FHIT: variants seen among roughly 807,000 people sequenced by gnomAD.
FHIT encodes fragile histidine triad diadenosine triphosphatase.
FHIT carries 19 observed loss-of-function variants against 17.9 expected under a neutral mutation model. The observed-to-expected ratio is 1.06, with a 90% CI of 0.74 to 1.56. The LOEUF is 1.56. Ranked by LOEUF, FHIT falls within the 40% of genes most tolerant of loss-of-function variation. FHIT has a pLI of 0.00. For missense variants in FHIT, 248 were observed against 189.2 expected (o/e 1.31, Z -1.82); for synonymous variants, 81 against 69.7 (o/e 1.16, Z -0.81).
chr3:60,114,488 C>CTTTTTTTTTTTTTTTTTT lies in FHIT; in HGVS notation c.104-100337_104-100336insAAAAAAAAAAAAAAAAAA, dbSNP rs145618938. Among the ~76,000 whole-genome samples, 30 of 59,484 alleles carry CTTTTTTTTTTTTTTTTTT rather than the reference C, an allele frequency of 5.0e-4. 3 individuals carry two copies. The highest frequency in any genetic ancestry group is 1.6e-3 in the African/African-American group (21 of 13,368). 39.0% of individuals were successfully genotyped at this position (59,484 alleles called of 152,430 possible). A position where few individuals can be genotyped will look rare whatever the true frequency, so the allele number is the denominator to read the frequency against. On this transcript the variant is annotated intron_variant, in intron 5 of 9. Coordinates refer to ENST00000492590, the MANE Select transcript of FHIT (RefSeq NM_002012.4). ...TAAAATAAGGAAGAACAAGAGAAAT[C>CTTTTTTTTTTTTTTTTTT]CTTTTTTTTTTTTTTTTTTTTTTTT...
chr3:60,574,635 C>T (rs1278194747), intron 4 of FHIT, among the ~76,000 whole-genome samples: 1 of 152,098 alleles, frequency 6.6e-6, no homozygotes, highest in Non-Finnish European at 1.5e-5. Context: ...GTAAACACAT[C>T]TTTACATTGA....
intron 8 of FHIT, among the ~76,000 whole-genome samples, chr3:59,783,728 C>T (rs1702709185): frequency 6.6e-6 from 1 of 152,152 alleles, no homozygotes; most frequent in Admixed American, 6.5e-5. Context: ...ACCTCCCCAT[C>T]CACAAACATC....
intron 5 of FHIT, among the ~76,000 whole-genome samples, chr3:60,071,517 A>G (rs1219512866): frequency 6.6e-6 from 1 of 152,086 alleles, no homozygotes; most frequent in African/African-American, 2.4e-5. Context: ...CTTCACATGA[A>G]TGACTCTCTT....
intron 7 of FHIT, among the ~76,000 whole-genome samples, chr3:59,974,811 T>C (rs772581004): frequency 2.6e-5 from 4 of 152,086 alleles, no homozygotes; most frequent in Non-Finnish European, 4.4e-5. Flanking sequence ...TCGGGGGAGA[T>C]ATGGAAATTG....
chr3:60,249,508 G>A (rs1221192379), intron 5 of FHIT, among the ~76,000 whole-genome samples: 1 of 151,136 alleles, frequency 6.6e-6, no homozygotes, highest in Non-Finnish European at 1.5e-5. Context: ...ATGAGTGAGA[G>A]ATGAAAGTTG....
intron 5 of FHIT, among the ~76,000 whole-genome samples, chr3:60,466,334 G>C (rs987548882): frequency 1.3e-5 from 2 of 152,086 alleles, no homozygotes; most frequent in East Asian, 3.9e-4. Context: ...TGCAAACAAG[G>C]ATAATTTGAC....
intron 8 of FHIT, among the ~76,000 whole-genome samples, chr3:59,828,127 T>A (rs1407499379): frequency 6.6e-6 from 1 of 152,246 alleles, no homozygotes; most frequent in East Asian, 1.9e-4. Context: ...GGTAGAGACA[T>A]GACTGATCAT....
intron 5 of FHIT, among the ~76,000 whole-genome samples, chr3:60,294,936 C>T (rs1346667519): frequency 6.6e-6 from 1 of 152,156 alleles, no homozygotes. Flanking sequence ...TGCAGAAGGA[C>T]ATCTGGATTG....
intron 2 of FHIT, among the ~76,000 whole-genome samples, chr3:61,138,751 G>T: frequency 6.6e-6 from 1 of 152,180 alleles, no homozygotes; most frequent in East Asian, 1.9e-4. Context: ...TAGTTAGGTA[G>T]ATTTATACCC....
At chr3:59,996,827 A>G (rs1197845361) in intron 7 of FHIT, among the ~76,000 whole-genome samples, 3 of 152,100 alleles carry the variant, frequency 2.0e-5, no homozygotes, top group Non-Finnish European at 1.5e-5. Flanking sequence ...AAGCCATTCT[A>G]TTGCTGACCA....
intron 2 of FHIT, among the ~76,000 whole-genome samples, chr3:61,167,415 T>C (rs913839557): frequency 2.7e-5 from 4 of 150,440 alleles, no homozygotes; most frequent in Non-Finnish European, 5.9e-5. Context: ...GGCGGGCAGA[T>C]CAATTGAGGT....
rs115312769 is a variant in FHIT at position 60,014,624 on chromosome 3, G to T, written c.104-472C>A. On this transcript the variant is annotated intron_variant, in intron 5 of 9. Coordinates refer to ENST00000492590, the MANE Select transcript of FHIT (RefSeq NM_002012.4). ...CTCTTTAGAGAAATAAGAAAATTAT[G>T]CAATGAACATACAAAAGTAGATGTT... is the stretch of plus-strand genomic sequence containing the variant. Among the ~76,000 whole-genome samples the T allele has an allele frequency of 3.0e-3, 461 of 152,328 alleles. 4 individuals carry two copies. Among genetic ancestry groups the T allele is most frequent in the African/African-American group, 0.011 (438 of 41,574 alleles).
intron 4 of FHIT, among the ~76,000 whole-genome samples, chr3:60,728,550 C>T (rs903832783): frequency 1.3e-5 from 2 of 151,980 alleles, no homozygotes; most frequent in Admixed American, 6.6e-5. Flanking sequence ...AATTCTACCT[C>T]GCAGTTTGTT....
At chr3:61,167,597 C>A (rs1232186963) in intron 2 of FHIT, among the ~76,000 whole-genome samples, 2 of 140,444 alleles carry the variant, frequency 1.4e-5, no homozygotes, top group African/African-American at 5.4e-5. Flanking sequence ...CCACTGCACT[C>A]CAGCCTGGGC....
intron 8 of FHIT, among the ~76,000 whole-genome samples, chr3:59,761,344 G>C (rs1701503448): frequency 6.6e-6 from 1 of 152,108 alleles, no homozygotes; most frequent in Admixed American, 6.5e-5. Flanking sequence ...TATCCTCTCG[G>C]CTAGCTGTAT....
At chr3:60,015,378 A>C (rs999314869) in intron 5 of FHIT, among the ~76,000 whole-genome samples, 12 of 152,310 alleles carry the variant, frequency 7.9e-5, no homozygotes, top group Admixed American at 5.2e-4. Context: ...AAGCATTTTT[A>C]AAATCAGAGT....
At chr3:59,868,034 G>GTT (rs10633871) in intron 8 of FHIT, among the ~76,000 whole-genome samples, 30,805 of 94,976 alleles carry the variant, frequency 0.32, 5,230 homozygotes, top group East Asian at 0.49. Context: ...CTGTGGAAAT[G>GTT]TTTTTTTTTT....
chr3:60,202,536 G>A (rs1049532704), intron 5 of FHIT, among the ~76,000 whole-genome samples: 7 of 152,192 alleles, frequency 4.6e-5, no homozygotes, highest in Non-Finnish European at 7.3e-5. Context: ...ATTATTGGTA[G>A]AGTAGTTATG....
chr3:59,868,333 C>T (rs563032489), intron 8 of FHIT, among the ~76,000 whole-genome samples: 1 of 107,064 alleles, frequency 9.3e-6, no homozygotes, highest in Admixed American at 8.1e-5. Flanking sequence ...GCCATTTCCA[C>T]GCGGAAAAAA....
Sources: gnomAD v4.1 joint callset for allele counts (sites outside exome capture counted in the v4.1 genomes callset) on GRCh38, gnomAD v4.1.1 for gene constraint, MANE v1.5 for transcripts, NCBI Gene and HGNC (gene_info 2026-07-23, HGNC 2026-07-21) for gene names.